CDH13: variants seen among roughly 807,000 people sequenced by gnomAD.
The protein encoded by CDH13 is cadherin 13.
A neutral mutation model predicts 63.8 loss-of-function variants in CDH13; 24 were observed. The ratio of observed to expected loss-of-function variants is 0.38; its 90% CI spans 0.27 to 0.53. The LOEUF (loss-of-function observed/expected upper bound fraction) is 0.53, where lower values mean the gene tolerates loss of function less well. Ranked by LOEUF, CDH13 falls within the 20% of genes least tolerant of loss-of-function variation. CDH13 has a pLI of 0.85. For missense variants in CDH13, 1,049 were observed against 903.1 expected, an observed-to-expected ratio of 1.16 and a Z score of -2.07; for synonymous variants, 503 against 355.3, an observed-to-expected ratio of 1.42 and a Z score of -4.67.
intron 1 of CDH13, among the ~76,000 whole-genome samples, chr16:82,808,365 A>C (rs1453479106): frequency 2.0e-5 from 3 of 152,144 alleles, no homozygotes; most frequent in Admixed American, 2.0e-4. Context: ...TTTCTAGGGA[A>C]TTACAGATAT....
intron 5 of CDH13, among the ~76,000 whole-genome samples, chr16:83,250,427 G>A (rs1394177751): frequency 6.6e-6 from 1 of 152,132 alleles, no homozygotes; most frequent in African/African-American, 2.4e-5. Context: ...AATAAAACCA[G>A]AATTTCGGGG....
chr16:82,961,002 G>A (rs1906895610), intron 2 of CDH13, among the ~76,000 whole-genome samples: 1 of 152,148 alleles, frequency 6.6e-6, no homozygotes, highest in Admixed American at 6.5e-5. Flanking sequence ...TTCTGCCTTG[G>A]CAACGTCTCC....
At chr16:83,794,567 T>C (rs572686019) in intron 13 of CDH13, among the ~76,000 whole-genome samples, 36 of 152,136 alleles carry the variant, frequency 2.4e-4, no homozygotes, top group East Asian at 7.7e-4. Context: ...TAAAAACATA[T>C]CATGTTTGAA....
chr16:83,674,632 C>T lies in CDH13; in HGVS notation c.1285-3576C>T, dbSNP rs1914799999. On this transcript the variant is annotated intron_variant, in intron 9 of 13. Transcript: ENST00000567109. Reference sequence around the variant, plus strand: ...CAAGCACAAGCAGGTCTGCCCTAACCAGTTAGCAATCCAACATACAGAAGA... The same window carrying T: ...CAAGCACAAGCAGGTCTGCCCTAACTAGTTAGCAATCCAACATACAGAAGA... Among the ~76,000 whole-genome samples, 5 of 152,196 alleles carry T rather than the reference C, an allele frequency of 3.3e-5. No individual in the cohort carries two copies. In the South Asian group the frequency reaches 1.0e-3, roughly 32 times the overall value.
chr16:83,108,390 A>G (rs1000716702), intron 3 of CDH13, among the ~76,000 whole-genome samples: 1 of 152,228 alleles, frequency 6.6e-6, no homozygotes, highest in Admixed American at 6.5e-5. Context: ...GCTCACAGCC[A>G]CATAAAAGGG....
At chr16:83,635,756 G>C (rs1456561810) in intron 8 of CDH13, among the ~76,000 whole-genome samples, 1 of 151,874 alleles carries the variant, frequency 6.6e-6, no homozygotes, top group Non-Finnish European at 1.5e-5. Context: ...TCTGTGGCTT[G>C]TCTGTTCGTT....
At chr16:82,883,335 C>G (rs1419194467) in intron 2 of CDH13, among the ~76,000 whole-genome samples, 2 of 152,132 alleles carry the variant, frequency 1.3e-5, no homozygotes, top group East Asian at 1.9e-4. Context: ...TATTTAATAG[C>G]AGGAGAAAGG....
intron 5 of CDH13, among the ~76,000 whole-genome samples, chr16:83,333,215 A>G (rs2090515207): frequency 2.0e-5 from 3 of 152,204 alleles, no homozygotes; most frequent in African/African-American, 7.2e-5. Context: ...GTGAAATAAA[A>G]CTAAGAAAAA....
intron 1 of CDH13, among the ~76,000 whole-genome samples, chr16:82,760,077 C>T (rs567732608): frequency 7.4e-4 from 112 of 152,214 alleles, no homozygotes; most frequent in African/African-American, 2.6e-3. Flanking sequence ...CTTGTCTTTT[C>T]CAAAATCCTT....
intron 4 of CDH13, among the ~76,000 whole-genome samples, chr16:83,158,506 T>G (rs12443793): frequency 0.31 from 47,229 of 152,164 alleles, 7,476 homozygotes; most frequent in South Asian, 0.39. Flanking sequence ...GTCCAGCAGG[T>G]CACAGACCTC....
At chr16:83,034,332 A>G (rs1373022512) in intron 3 of CDH13, among the ~76,000 whole-genome samples, 1 of 152,122 alleles carries the variant, frequency 6.6e-6, no homozygotes, top group Non-Finnish European at 1.5e-5. Context: ...ATTCCCCTTC[A>G]GCATCTGTGA....
At chr16:83,173,011 G>C (rs570083695) in intron 4 of CDH13, among the ~76,000 whole-genome samples, 1 of 152,058 alleles carries the variant, frequency 6.6e-6, no homozygotes, top group Non-Finnish European at 1.5e-5. Context: ...GCGTTGTTTT[G>C]CTTGGATGTT....
At position 82,951,131 on chromosome 16, in the gene CDH13, G is replaced by T. The variant is rs1373921755; in HGVS notation, c.158-80879G>T. Among the ~76,000 whole-genome samples, 9 of 152,176 alleles carry T rather than the reference G, an allele frequency of 5.9e-5. No individual in the cohort carries two copies. In the East Asian group the frequency reaches 1.8e-3, roughly 30 times the overall value. On this transcript the variant is annotated intron_variant, in intron 2 of 13. Coordinates refer to ENST00000567109, the MANE Select transcript of CDH13 (RefSeq NM_001257.5). ...CAGGTCACAATGGCCATGTTTTGAG[G>T]GATGTGCAAGTTTGTGTGTGTGCTT...
chr16:82,984,185 G>C (rs1165195810), intron 2 of CDH13, among the ~76,000 whole-genome samples: 1 of 152,196 alleles, frequency 6.6e-6, no homozygotes, highest in Admixed American at 6.5e-5. Context: ...AAGGAACCTG[G>C]ATAAAACTCT....
intron 2 of CDH13, among the ~76,000 whole-genome samples, chr16:82,894,415 G>T (rs2041180583): frequency 6.6e-6 from 1 of 152,218 alleles, no homozygotes. Flanking sequence ...GCTGAGGCGA[G>T]TGGATCACCT....
chr16:83,041,512 A>G (rs1917328018), intron 3 of CDH13, among the ~76,000 whole-genome samples: 1 of 152,156 alleles, frequency 6.6e-6, no homozygotes, highest in African/African-American at 2.4e-5. Context: ...CCCAAAAGCC[A>G]ACGACCCTGC....
At chr16:82,832,921 T>C (rs1278444464) in intron 1 of CDH13, among the ~76,000 whole-genome samples, 1 of 152,226 alleles carries the variant, frequency 6.6e-6, no homozygotes, top group Non-Finnish European at 1.5e-5. Flanking sequence ...CTTAAGAGGC[T>C]GCTTTGGGAG....
chr16:83,582,996 T>C (rs1406908609), intron 7 of CDH13, among the ~76,000 whole-genome samples: 4 of 152,108 alleles, frequency 2.6e-5, no homozygotes, highest in Admixed American at 2.0e-4. Flanking sequence ...TTATTGACAA[T>C]CCTAGAGCCC....
chr16:83,402,374 A>AC (rs141583630), intron 6 of CDH13, among the ~76,000 whole-genome samples: 2,662 of 152,294 alleles, frequency 0.017, 32 homozygotes, highest in Non-Finnish European at 0.028. Flanking sequence ...TATAGCTCCC[A>AC]CTAGTGTGTT....
Sources: gnomAD v4.1 joint callset for allele counts (sites outside exome capture counted in the v4.1 genomes callset) on GRCh38, gnomAD v4.1.1 for gene constraint, MANE v1.5 for transcripts, NCBI Gene and HGNC (gene_info 2026-07-23, HGNC 2026-07-21) for gene names.